Variants in SNTG1 observed in about 807,000 individuals in gnomAD.
The protein encoded by SNTG1 is syntrophin gamma 1.
A neutral mutation model predicts 74.7 loss-of-function variants in SNTG1; 39 were observed. The ratio of observed to expected loss-of-function variants is 0.52; its 90% CI spans 0.40 to 0.68. SNTG1 has a LOEUF of 0.68. Ranked by LOEUF, SNTG1 falls within the 30% of genes least tolerant of loss-of-function variation. The pLI, the probability that SNTG1 is intolerant of heterozygous loss-of-function variation, is 0.00. For missense variants in SNTG1, 685 were observed against 609.5 expected (o/e 1.12, Z -1.30); for synonymous variants, 254 against 217.1 (o/e 1.17, Z -1.49).
At chr8:50,033,189 T>C (rs1350698596) in intron 1 of SNTG1, among the ~76,000 whole-genome samples, 1 of 151,880 alleles carries the variant, frequency 6.6e-6, no homozygotes, top group Non-Finnish European at 1.5e-5. Context: ...AATGGCACTA[T>C]GTCAGCTCAC....
At chr8:49,917,697 A>G (rs1457051547) in intron 1 of SNTG1, among the ~76,000 whole-genome samples, 1 of 152,140 alleles carries the variant, frequency 6.6e-6, no homozygotes, top group Non-Finnish European at 1.5e-5. Flanking sequence ...ATCACCACAT[A>G]GTTCTTTTGT....
intron 18 of SNTG1, among the ~76,000 whole-genome samples, chr8:50,790,941 A>G (rs534003639): frequency 6.6e-6 from 1 of 152,080 alleles, no homozygotes; most frequent in South Asian, 2.1e-4. Flanking sequence ...GTTATTTGCC[A>G]TACTATTTTC....
At chr8:49,937,081 G>A (rs1808152002) in intron 1 of SNTG1, among the ~76,000 whole-genome samples, 1 of 152,122 alleles carries the variant, frequency 6.6e-6, no homozygotes, top group Non-Finnish European at 1.5e-5. Flanking sequence ...CCCGGGAGGC[G>A]GAGGTTGCAG....
chr8:49,982,798 T>C (rs2130168241), intron 1 of SNTG1, among the ~76,000 whole-genome samples: 1 of 152,262 alleles, frequency 6.6e-6, no homozygotes, highest in African/African-American at 2.4e-5. Flanking sequence ...TGGATATTTG[T>C]CTATTAACAC....
At chr8:50,137,887 A>C (rs1051336316) in intron 1 of SNTG1, among the ~76,000 whole-genome samples, 2 of 152,058 alleles carry the variant, frequency 1.3e-5, no homozygotes, top group African/African-American at 4.8e-5. Context: ...CTCCTCTTGG[A>C]GTGACTCCTC....
intron 12 of SNTG1, among the ~76,000 whole-genome samples, chr8:50,584,373 G>A (rs150008535): frequency 0.038 from 5,755 of 151,870 alleles, 180 homozygotes; most frequent in African/African-American, 0.077. Context: ...CTAGTTTACC[G>A]TCCCACCAAC....
chr8:50,098,535 C>A (rs1431402480), intron 1 of SNTG1, among the ~76,000 whole-genome samples: 1 of 152,054 alleles, frequency 6.6e-6, no homozygotes, highest in African/African-American at 2.4e-5. Context: ...AAATAGTAGG[C>A]CATTTTAGAT....
At chr8:50,277,484 C>T (rs759048373) in intron 2 of SNTG1, among the ~76,000 whole-genome samples, 2 of 151,976 alleles carry the variant, frequency 1.3e-5, no homozygotes, top group East Asian at 1.9e-4. Context: ...AATTTCTTAT[C>T]GAAAGTAAGG....
chr8:50,537,393 C>T (rs1420176938), intron 11 of SNTG1, among the ~76,000 whole-genome samples: 1 of 152,120 alleles, frequency 6.6e-6, no homozygotes, highest in African/African-American at 2.4e-5. Context: ...TGCCCAGCAG[C>T]ATAGTTGGTC....
At chr8:50,039,385 G>T (rs1818432901) in intron 1 of SNTG1, among the ~76,000 whole-genome samples, 1 of 147,854 alleles carries the variant, frequency 6.8e-6, no homozygotes, top group African/African-American at 2.5e-5. Flanking sequence ...AACCTGGGAG[G>T]CGGAGCTTGC....
chr8:50,143,349 G>A (rs1289411424), intron 1 of SNTG1, among the ~76,000 whole-genome samples: 1 of 152,078 alleles, frequency 6.6e-6, no homozygotes, highest in Non-Finnish European at 1.5e-5. Flanking sequence ...GAAAAACGTT[G>A]TGTTTGTTCC....
At chr8:50,375,050 C>G in intron 2 of SNTG1, among the ~76,000 whole-genome samples, 1 of 152,292 alleles carries the variant, frequency 6.6e-6, no homozygotes, top group Middle Eastern at 3.4e-3. Flanking sequence ...AACATTTAAA[C>G]AACATGTGTC....
At chr8:50,492,798 G>A (rs551800970) in intron 8 of SNTG1, among the ~76,000 whole-genome samples, 1 of 152,256 alleles carries the variant, frequency 6.6e-6, no homozygotes, top group African/African-American at 2.4e-5. Context: ...TAGTCATGAA[G>A]TCTTTGCCCA....
chr8:50,039,850 A>T lies in SNTG1; in HGVS notation c.-103+127619A>T, dbSNP rs74446494. On this transcript the variant is annotated intron_variant, in intron 1 of 18. Coordinates refer to ENST00000642720, the MANE Select transcript of SNTG1 (RefSeq NM_018967.5). ...AGACCCGTAAGTCATGATTCAGAAG[A>T]CACTGAACTTGCTAATGATTGACTG... Among the ~76,000 whole-genome samples, 1,266 of 152,276 alleles carry T rather than the reference A, an allele frequency of 8.3e-3. 27 individuals are homozygous for T. The highest frequency in any genetic ancestry group is 0.029 in the African/African-American group (1,205 of 41,554).
At chr8:50,557,084 C>T (rs1281460124) in intron 12 of SNTG1, among the ~76,000 whole-genome samples, 1 of 152,014 alleles carries the variant, frequency 6.6e-6, no homozygotes, top group Non-Finnish European at 1.5e-5. Flanking sequence ...TAACCTTGGG[C>T]CCTTTCTGCC....
At chr8:50,069,936 C>T (rs1821219213) in intron 1 of SNTG1, among the ~76,000 whole-genome samples, 1 of 152,016 alleles carries the variant, frequency 6.6e-6, no homozygotes, top group Non-Finnish European at 1.5e-5. Flanking sequence ...CCTGTGGGTG[C>T]TTCTGTGAGC....
At chr8:49,976,761 C>A (rs1406149250) in intron 1 of SNTG1, among the ~76,000 whole-genome samples, 1 of 152,132 alleles carries the variant, frequency 6.6e-6, no homozygotes, top group Non-Finnish European at 1.5e-5. Flanking sequence ...GAGTCCTGAT[C>A]ATGCAGGATA....
At chr8:50,684,739 T>C (rs920049545) in intron 15 of SNTG1, among the ~76,000 whole-genome samples, 5 of 141,280 alleles carry the variant, frequency 3.5e-5, no homozygotes, top group South Asian at 2.5e-4. Flanking sequence ...GTTTTTTTTT[T>C]CTTTTTTTTT....
intron 4 of SNTG1, among the ~76,000 whole-genome samples, chr8:50,409,073 C>A (rs140447779): frequency 5.6e-4 from 86 of 152,252 alleles, no homozygotes; most frequent in Middle Eastern, 3.4e-3. Flanking sequence ...CTTAAACCTG[C>A]TCATCACTCC....
Sources: gnomAD v4.1 joint callset for allele counts (sites outside exome capture counted in the v4.1 genomes callset) on GRCh38, gnomAD v4.1.1 for gene constraint, MANE v1.5 for transcripts, NCBI Gene and HGNC (gene_info 2026-07-23, HGNC 2026-07-21) for gene names.